Variants in CTNND2 observed in about 807,000 individuals in gnomAD.
The protein encoded by CTNND2 is catenin delta 2.
In CTNND2, 22 loss-of-function variants were observed where a neutral mutation model predicts 144.4. That is an observed-to-expected ratio of 0.15 (90% CI 0.11 to 0.22). The LOEUF (loss-of-function observed/expected upper bound fraction) is 0.22, where lower values mean the gene tolerates loss of function less well. Among genes scored for constraint, CTNND2 ranks in the 10% least tolerant of loss-of-function variants. The pLI is 1.00. For missense variants in CTNND2, 1,353 were observed against 1,618.8 expected (o/e 0.84, Z 2.82); for synonymous variants, 751 against 695.6 (o/e 1.08, Z -1.25).
chr5:11,186,393 G>C (rs188698982), intron 11 of CTNND2, among the ~76,000 whole-genome samples: 1 of 152,204 alleles, frequency 6.6e-6, no homozygotes, highest in Non-Finnish European at 1.5e-5. Context: ...AGTCAGAGGG[G>C]GATACAGGAA....
intron 11 of CTNND2, among the ~76,000 whole-genome samples, chr5:11,180,491 T>C (rs1222133843): frequency 2.0e-5 from 3 of 152,184 alleles, no homozygotes; most frequent in Non-Finnish European, 4.4e-5. Context: ...TAGCGATTGG[T>C]TGAGAACTCA....
At chr5:11,396,000 C>T (rs1468269530) in intron 6 of CTNND2, among the ~76,000 whole-genome samples, 1 of 152,120 alleles carries the variant, frequency 6.6e-6, no homozygotes, top group African/African-American at 2.4e-5. Flanking sequence ...TAGAGGAATG[C>T]CTGGATGGAT....
rs565086454 is a variant in CTNND2, at chr5:11,869,334, G to A, written c.37+34483C>T. Among the ~76,000 whole-genome samples, 32 of 152,342 alleles carry A rather than the reference G, an allele frequency of 2.1e-4. 1 individual carries two copies. In the South Asian group the frequency reaches 5.6e-3, roughly 27 times the overall value. ...GGTGAAAGCAACTCGAATGTCAATT[G>A]ATGGATGAATGGGCAAACAACATGT... On this transcript the variant is annotated intron_variant, in intron 1 of 21. Coordinates refer to ENST00000304623, the MANE Select transcript of CTNND2 (RefSeq NM_001332.4).
chr5:11,517,925 CACAG>C (rs1423285143), intron 3 of CTNND2, among the ~76,000 whole-genome samples: 1 of 152,134 alleles, frequency 6.6e-6, no homozygotes, highest in East Asian at 1.9e-4. Context: ...GATCTTCGGA[CACAG>C]ACAAATACTG....
At chr5:11,383,769 G>A (rs1170729819) in intron 7 of CTNND2, among the ~76,000 whole-genome samples, 1 of 152,078 alleles carries the variant, frequency 6.6e-6, no homozygotes, top group Non-Finnish European at 1.5e-5. Context: ...CTTCTGTAAG[G>A]GAAAAAAAAT....
At chr5:11,404,095 C>T (rs1160598700) in intron 5 of CTNND2, among the ~76,000 whole-genome samples, 3 of 152,196 alleles carry the variant, frequency 2.0e-5, no homozygotes, top group African/African-American at 4.8e-5. Flanking sequence ...GAAGAATATG[C>T]AGCACACATT....
intron 18 of CTNND2, among the ~76,000 whole-genome samples, chr5:11,008,016 G>A (rs1740666648): frequency 6.6e-6 from 1 of 152,202 alleles, no homozygotes; most frequent in South Asian, 2.1e-4. Context: ...TGTTTGGAAT[G>A]TGGGCAAACT....
chr5:11,552,303 T>A (rs751514630), intron 3 of CTNND2, among the ~76,000 whole-genome samples: 8 of 152,214 alleles, frequency 5.3e-5, no homozygotes, highest in Non-Finnish European at 1.0e-4. Context: ...CTGGAAAACA[T>A]TCAGACCATA....
At chr5:11,473,633 T>C (rs1173211243) in intron 3 of CTNND2, among the ~76,000 whole-genome samples, 2 of 152,162 alleles carry the variant, frequency 1.3e-5, no homozygotes, top group Non-Finnish European at 2.9e-5. Context: ...AAGATGTTCA[T>C]ATCAAGGAAA....
At chr5:11,075,799 T>C (rs1377090186) in intron 16 of CTNND2, among the ~76,000 whole-genome samples, 2 of 152,368 alleles carry the variant, frequency 1.3e-5, no homozygotes, top group African/African-American at 4.8e-5. Context: ...GGCAGCAGAA[T>C]GAGTTTGATT....
At position 11,236,757 on chromosome 5, in the gene CTNND2, C is replaced by G. The variant is rs778117375; in HGVS notation, c.1695G>C (p.Ser565=). 2 of 1,614,100 alleles carry G rather than the reference C, an allele frequency of 1.2e-6. No homozygotes were observed. Among genetic ancestry groups the G allele is most frequent in the South Asian group, 1.1e-5 (1 of 91,078 alleles). ...VIQMLQHQFP[S]VQSNAAAYLQ... is the part of the protein sequence containing the mutation. ...AGTAGGCTGCCGCGTTAGACTGGAC[C>G]GAGGGAAACTGGTGCTGCAACATCT... Residue 565 remains serine, a synonymous_variant, in exon 10 of 22, where the codon TCG becomes TCC. Transcript: ENST00000304623.
intron 2 of CTNND2, among the ~76,000 whole-genome samples, chr5:11,606,309 C>T (rs1314359920): frequency 1.3e-5 from 2 of 152,202 alleles, no homozygotes; most frequent in Non-Finnish European, 2.9e-5. Context: ...AAACCTACAT[C>T]GGACTTCTGA....
chr5:11,661,706 C>G (rs1021492378), intron 2 of CTNND2, among the ~76,000 whole-genome samples: 2 of 152,140 alleles, frequency 1.3e-5, no homozygotes, highest in Middle Eastern at 6.3e-3. Context: ...AATAAGCAAT[C>G]ATCATACATG....
intron 1 of CTNND2, among the ~76,000 whole-genome samples, chr5:11,776,350 T>C (rs928798594): frequency 4.6e-5 from 7 of 152,096 alleles, no homozygotes; most frequent in African/African-American, 9.7e-5. Context: ...CTCTGTAAGA[T>C]AGATACCCAA....
chr5:11,374,708 C>T (rs79975374), intron 7 of CTNND2, among the ~76,000 whole-genome samples: 222 of 151,688 alleles, frequency 1.5e-3, no homozygotes, highest in African/African-American at 5.1e-3. Flanking sequence ...GGCTTCCAGA[C>T]CTCATTATTA....
intron 3 of CTNND2, among the ~76,000 whole-genome samples, chr5:11,504,147 G>C (rs920461606): frequency 6.6e-6 from 1 of 152,176 alleles, no homozygotes; most frequent in Non-Finnish European, 1.5e-5. Flanking sequence ...ATGTGAATAA[G>C]ATAACCATGA....
chr5:11,224,872 A>T (rs920924614), intron 10 of CTNND2, among the ~76,000 whole-genome samples: 1 of 152,182 alleles, frequency 6.6e-6, no homozygotes, highest in Non-Finnish European at 1.5e-5. Context: ...CTTTGTTTTT[A>T]TGACACTTTC....
intron 16 of CTNND2, among the ~76,000 whole-genome samples, chr5:11,066,113 C>T (rs1288841440): frequency 6.6e-6 from 1 of 151,284 alleles, no homozygotes; most frequent in Middle Eastern, 3.2e-3. Flanking sequence ...GATCTCAGCT[C>T]ACTGCAACCT....
intron 12 of CTNND2, among the ~76,000 whole-genome samples, chr5:11,136,548 C>T (rs1334447656): frequency 6.6e-6 from 1 of 151,718 alleles, no homozygotes; most frequent in Non-Finnish European, 1.5e-5. Context: ...ACCAGCAGTG[C>T]TACGCTTGTG....
Sources: gnomAD v4.1 joint callset for allele counts (sites outside exome capture counted in the v4.1 genomes callset) on GRCh38, gnomAD v4.1.1 for gene constraint, MANE v1.5 for transcripts, NCBI Gene and HGNC (gene_info 2026-07-23, HGNC 2026-07-21) for gene names.